Variants in HMGA2 observed in about 807,000 individuals in gnomAD.
HMGA2 encodes the protein high mobility group AT-hook 2.
A neutral mutation model predicts 19.1 loss-of-function variants in HMGA2; 8 were observed. The ratio of observed to expected loss-of-function variants is 0.42; its 90% CI spans 0.25 to 0.76. The LOEUF is 0.76. Among genes scored for constraint, HMGA2 ranks in the 30% least tolerant of loss-of-function variants. HMGA2 has a pLI of 0.28. For missense variants in HMGA2, 109 were observed against 136.3 expected (o/e 0.80, Z 1.00); for synonymous variants, 60 against 48.8 (o/e 1.23, Z -0.96).
At chr12:65,852,421 T>C (rs1235984095) in intron 3 of HMGA2, among the ~76,000 whole-genome samples, 1 of 152,112 alleles carries the variant, frequency 6.6e-6, no homozygotes, top group African/African-American at 2.4e-5. Context: ...AAGAATCTCT[T>C]GAACTCGGGA....
At position 65,966,279 on chromosome 12, in the gene HMGA2, T is replaced by A. The variant is rs1238010913; in HGVS notation, c.*2987T>A. The A allele has an allele frequency of 5.4e-6, 1 of 186,680 alleles. No homozygotes were observed. The highest frequency in any genetic ancestry group is 2.3e-5 in the African/African-American group (1 of 42,746). 11.6% of individuals were successfully genotyped at this position (186,680 alleles called of 1,614,324 possible). ...GTTCCATTAAATGAGTAATAAAGTT[T>A]GGTCAAAACAGATCAAGGAGGGAGA... On this transcript the variant is annotated 3_prime_UTR_variant, in exon 5 of 5. Transcript: ENST00000403681.
Position 65,870,742 on chromosome 12 carries a change from A to G in HMGA2, c.249+32173A>G, listed in dbSNP as rs183228971. ...CTCCATCTAAAAACAAAACAAAACA[A>G]AACAGCTGGAAGATGACATCCCTGG... On this transcript the variant is annotated intron_variant, in intron 3 of 4. Coordinates refer to ENST00000403681, the MANE Select transcript of HMGA2 (RefSeq NM_003483.6). Among the ~76,000 whole-genome samples, 376 of 152,258 alleles carry G rather than the reference A, an allele frequency of 2.5e-3. 2 individuals carry two copies. The highest frequency in any genetic ancestry group is 8.3e-3 in the African/African-American group (346 of 41,540).
intron 3 of HMGA2, among the ~76,000 whole-genome samples, chr12:65,946,698 T>G (rs1461812800): frequency 6.6e-6 from 1 of 152,168 alleles, no homozygotes; most frequent in Non-Finnish European, 1.5e-5. Context: ...GATTGTATTC[T>G]TAGGAGGGCT....
intron 3 of HMGA2, among the ~76,000 whole-genome samples, chr12:65,869,172 C>A (rs1218520696): frequency 2.6e-5 from 4 of 152,068 alleles, no homozygotes; most frequent in Non-Finnish European, 5.9e-5. Flanking sequence ...GTTCTCTGGG[C>A]CAAGTTAGTT....
At position 65,838,539 on chromosome 12, in the gene HMGA2, A is replaced by T. The variant is rs768584493; in HGVS notation, c.219A>T (p.Glu73Asp). 50 of 1,612,338 alleles carry T rather than the reference A, an allele frequency of 3.1e-5. No individual in the cohort carries two copies. The highest frequency in any genetic ancestry group is 4.1e-5 in the Non-Finnish European group (48 of 1,178,848). ...TGCAGAAAGCAGAAGCCACTGGAGA[A>T]AAACGGCCAAGAGGCAGACCTAGGA... Reference protein sequence around the residue: ...AAQKKAEATGEKRPRGRPRKW... With the variant: ...AAQKKAEATGDKRPRGRPRKW... Residue 73 changes from glutamate to aspartate, a missense_variant, in exon 3 of 5, where the codon GAA becomes GAT. Physicochemically the swap from Glu to Asp is conservative, Grantham distance 45 (BLOSUM62 2). Coordinates refer to ENST00000403681, the MANE Select transcript of HMGA2 (RefSeq NM_003483.6).
intron 3 of HMGA2, chr12:65,843,162 T>G (rs1193242970): frequency 1.3e-5 from 3 of 226,142 alleles, no homozygotes; most frequent in African/African-American, 4.5e-5. Context: ...ACCTAGAAAT[T>G]GATCCAAGGA....
At chr12:65,848,296 T>C (rs1270865916) in intron 3 of HMGA2, among the ~76,000 whole-genome samples, 1 of 152,232 alleles carries the variant, frequency 6.6e-6, no homozygotes, top group African/African-American at 2.4e-5. Context: ...TCTCTCTCTC[T>C]TTTTACAAAA....
At chr12:65,924,533 C>T (rs956289063) in intron 3 of HMGA2, among the ~76,000 whole-genome samples, 5 of 152,248 alleles carry the variant, frequency 3.3e-5, no homozygotes, top group African/African-American at 1.2e-4. Flanking sequence ...CACAGTGGCT[C>T]ACGCCTGTAA....
rs560050526 is a variant in HMGA2 at position 65,824,618 on chromosome 12, C to T, written c.-653C>T. ...GGCGCGGTGCCACCCACTACTCTGT[C>T]CTCTGCCTGTGCTCCGTGCCCGACC... On this transcript the variant is annotated 5_prime_UTR_variant, in exon 1 of 5. Coordinates refer to ENST00000403681, the MANE Select transcript of HMGA2 (RefSeq NM_003483.6). 6.4e-5 allele frequency: 15 copies of T among 233,564 alleles called. No individual in the cohort carries two copies. In the East Asian group the frequency reaches 9.1e-4, roughly 14 times the overall value. The allele number at this position is 233,564 out of a possible 1,614,324, so 14.5% of individuals were successfully genotyped here. A position where few individuals can be genotyped will look rare whatever the true frequency, so the allele number is the denominator to read the frequency against.
chr12:65,868,654 A>G lies in HMGA2; in HGVS notation c.249+30085A>G, dbSNP rs140401243. Among the ~76,000 whole-genome samples, 27 of 152,262 alleles carry G rather than the reference A, an allele frequency of 1.8e-4. 1 individual carries two copies. The highest frequency in any genetic ancestry group is 6.3e-4 in the African/African-American group (26 of 41,550). ...CCATTTTCTCCATGGTTCTTATCCA[A>G]TTCAGTGCATCTTAAAGGATGGTTT... On this transcript the variant is annotated intron_variant, in intron 3 of 4. Coordinates refer to ENST00000403681, the MANE Select transcript of HMGA2 (RefSeq NM_003483.6).
At chr12:65,937,508 G>A (rs2121284594) in intron 3 of HMGA2, among the ~76,000 whole-genome samples, 1 of 152,310 alleles carries the variant, frequency 6.6e-6, no homozygotes, top group Admixed American at 6.5e-5. Context: ...AGAAGCTCAT[G>A]TTAGTTATTT....
intron 3 of HMGA2, among the ~76,000 whole-genome samples, chr12:65,942,951 C>T (rs961777959): frequency 6.6e-6 from 1 of 151,974 alleles, no homozygotes; most frequent in African/African-American, 2.4e-5. Flanking sequence ...TTTTCAGTGA[C>T]CTTATCTCTA....
chr12:65,888,554 CTTTTTTTTTTTTTTT>C (rs1180942808), intron 3 of HMGA2, among the ~76,000 whole-genome samples: 11 of 40,580 alleles, frequency 2.7e-4, no homozygotes, highest in Non-Finnish European at 4.2e-4. Context: ...GTGGTGTGCT[CTTTTTTTTTTTTTTT>C]TTTTTTTTTT....
intron 3 of HMGA2, among the ~76,000 whole-genome samples, chr12:65,892,302 T>C (rs1418423396): frequency 1.3e-5 from 2 of 152,182 alleles, no homozygotes; most frequent in Non-Finnish European, 2.9e-5. Context: ...ATTCTTTTTA[T>C]AGTACAGGCA....
At chr12:65,905,182 T>TCACA (rs139108942) in intron 3 of HMGA2, among the ~76,000 whole-genome samples, 14,777 of 149,308 alleles carry the variant, frequency 0.099, 820 homozygotes, top group Middle Eastern at 0.19. Flanking sequence ...ATTGACTTTA[T>TCACA]CACACACACA....
At chr12:65,956,093 C>G (rs1197077169) in intron 4 of HMGA2, 1 of 152,182 alleles carries the variant, frequency 6.6e-6, no homozygotes, top group Non-Finnish European at 1.5e-5. Flanking sequence ...TACATGGTAC[C>G]TTGGCCAGTG....
intron 3 of HMGA2, among the ~76,000 whole-genome samples, chr12:65,930,804 C>A (rs1013634101): frequency 6.6e-6 from 1 of 151,964 alleles, no homozygotes; most frequent in Non-Finnish European, 1.5e-5. Context: ...ATAAAACAAT[C>A]GATATCTTAA....
intron 3 of HMGA2, among the ~76,000 whole-genome samples, chr12:65,875,894 G>A (rs1034623501): frequency 6.6e-6 from 1 of 151,860 alleles, no homozygotes; most frequent in Non-Finnish European, 1.5e-5. Flanking sequence ...AATGTGCAAG[G>A]TTACTTAGTA....
chr12:65,839,053 G>T (rs1189611613), intron 3 of HMGA2, among the ~76,000 whole-genome samples: 1 of 130,252 alleles, frequency 7.7e-6, no homozygotes. Flanking sequence ...TCATTTTCTA[G>T]ATGGTTTGTG....
Sources: gnomAD v4.1 joint callset for allele counts (sites outside exome capture counted in the v4.1 genomes callset) on GRCh38, gnomAD v4.1.1 for gene constraint, MANE v1.5 for transcripts, NCBI Gene and HGNC (gene_info 2026-07-23, HGNC 2026-07-21) for gene names.